Variants in SCML4 observed in about 807,000 individuals in gnomAD.
SCML4 encodes the protein sex comb on midleg-like protein 4.
Under a neutral mutation model 41.1 loss-of-function variants are expected in SCML4, and 34 were observed. That is an observed-to-expected ratio of 0.83 (90% CI 0.63 to 1.10). The LOEUF (loss-of-function observed/expected upper bound fraction) is 1.10, where lower values mean the gene tolerates loss of function less well. Among genes scored for constraint, SCML4 ranks in the 50% least tolerant of loss-of-function variants. SCML4 has a pLI of 0.00. For missense variants in SCML4, 522 were observed against 534.1 expected (o/e 0.98, Z 0.22); for synonymous variants, 214 against 220.9 (o/e 0.97, Z 0.28).
upstream of SCML4, among the ~76,000 whole-genome samples, chr6:107,826,945 C>A (rs1331632395): frequency 1.3e-5 from 2 of 152,010 alleles, no homozygotes; most frequent in Non-Finnish European, 2.9e-5. Flanking sequence ...CGCCTGTAGT[C>A]CCAGCTACTT....
At chr6:107,804,248 C>CGTGTGTGTGTGTGTGT (rs1554223036) in intron 1 of SCML4, among the ~76,000 whole-genome samples, 203 of 150,754 alleles carry the variant, frequency 1.3e-3, no homozygotes, top group African/African-American at 4.4e-3. Context: ...AAACATGAAA[C>CGTGTGTGTGTGTGTGT]GTGTGTGTGT....
chr6:107,801,781 TC>T (rs1360923684), intron 1 of SCML4, among the ~76,000 whole-genome samples: 2 of 150,852 alleles, frequency 1.3e-5, no homozygotes, highest in East Asian at 1.9e-4. Flanking sequence ...ATTATTCATT[TC>T]TTTTTTTTTT....
intron 1 of SCML4, among the ~76,000 whole-genome samples, chr6:107,808,632 C>T (rs1002850351): frequency 3.3e-5 from 5 of 152,100 alleles, no homozygotes; most frequent in African/African-American, 1.2e-4. Context: ...GAAAAGAGAA[C>T]TCCAGGACAT....
intron 1 of SCML4, among the ~76,000 whole-genome samples, chr6:107,799,047 T>C (rs983863066): frequency 2.6e-5 from 4 of 152,288 alleles, no homozygotes; most frequent in Middle Eastern, 3.4e-3. Context: ...ATTCTGTAGT[T>C]CTATAGTGTT....
chr6:107,754,450 G>A (rs1017151203), intron 2 of SCML4, among the ~76,000 whole-genome samples: 3 of 152,258 alleles, frequency 2.0e-5, no homozygotes, highest in Middle Eastern at 6.8e-3. Context: ...TGCACCAAGG[G>A]TCCCCTAACT....
intron 5 of SCML4, among the ~76,000 whole-genome samples, chr6:107,729,746 T>G (rs1776353254): frequency 6.6e-6 from 1 of 152,214 alleles, no homozygotes; most frequent in Admixed American, 6.5e-5. Flanking sequence ...GTTCTATAAG[T>G]GTTACTCAGA....
intron 1 of SCML4, among the ~76,000 whole-genome samples, chr6:107,805,448 T>C (rs1245055870): frequency 6.6e-6 from 1 of 152,244 alleles, no homozygotes; most frequent in Non-Finnish European, 1.5e-5. Flanking sequence ...AGGACTGAGA[T>C]TGTGGCCTTT....
At chr6:107,757,347 G>A (rs969883963) in intron 2 of SCML4, among the ~76,000 whole-genome samples, 1 of 152,184 alleles carries the variant, frequency 6.6e-6, no homozygotes, top group Non-Finnish European at 1.5e-5. Flanking sequence ...GATTTTTCTA[G>A]AAACATCTGG....
In SCML4 at chr6:107,723,032, T is replaced by C. The variant is rs1015380436; in HGVS notation, c.683-2039A>G. 4.6e-5 allele frequency among the ~76,000 whole-genome samples: 7 copies of C among 151,870 alleles called. No homozygotes were observed. In the East Asian group the frequency reaches 1.2e-3, roughly 25 times the overall value. ...ACAAAATTGCAAGCCTTTAGCTACA[T>C]TGACAAAAAAATAAACAAATAAAAC... On this transcript the variant is annotated intron_variant, in intron 5 of 7. Transcript: ENST00000369020.
intron 7 of SCML4, 112 bp from the exon 8 acceptor site, chr6:107,705,437 T>A (rs1025186944): frequency 1.1e-6 from 1 of 926,434 alleles, no homozygotes; most frequent in Non-Finnish European, 1.6e-6. Flanking sequence ...ATGGATTGAT[T>A]TAGGCAGCAT....
intron 4 of SCML4, 60 bp from the exon 5 acceptor site, chr6:107,745,203 C>A (rs1777966755): frequency 1.6e-6 from 2 of 1,277,212 alleles, no homozygotes; most frequent in South Asian, 1.5e-5. Context: ...GCAAGTCAAT[C>A]GGCCGTGGTG....
chr6:107,737,269 C>T (rs141571405), intron 5 of SCML4, among the ~76,000 whole-genome samples: 3 of 152,286 alleles, frequency 2.0e-5, no homozygotes, highest in East Asian at 3.9e-4. Flanking sequence ...ATACCTTCTT[C>T]GGATTGGGGA....
chr6:107,802,472 C>T (rs1783214295), intron 1 of SCML4, among the ~76,000 whole-genome samples: 1 of 151,350 alleles, frequency 6.6e-6, no homozygotes, highest in Non-Finnish European at 1.5e-5. Context: ...GTATTGGGTG[C>T]AGAGTGACAG....
At chr6:107,776,135 A>G (rs1292742032) in intron 1 of SCML4, among the ~76,000 whole-genome samples, 2 of 152,164 alleles carry the variant, frequency 1.3e-5, no homozygotes, top group Non-Finnish European at 2.9e-5. Context: ...GGGAAGCAGA[A>G]CCAGAAAGAT....
At chr6:107,802,380 G>T (rs781272149) in intron 1 of SCML4, among the ~76,000 whole-genome samples, 6 of 152,086 alleles carry the variant, frequency 3.9e-5, no homozygotes, top group African/African-American at 9.7e-5. Flanking sequence ...GGGCATATGG[G>T]AGTGAAAAAC....
chr6:107,838,620 T>C, the SCML4 span, among the ~76,000 whole-genome samples: 4 of 152,178 alleles, frequency 2.6e-5, no homozygotes, highest in East Asian at 1.9e-4. Context: ...TTCCACGATA[T>C]GCAATGGACC....
At chr6:107,775,130 A>G (rs1258338017) in intron 1 of SCML4, among the ~76,000 whole-genome samples, 1 of 152,234 alleles carries the variant, frequency 6.6e-6, no homozygotes, top group Non-Finnish European at 1.5e-5. Flanking sequence ...CTTCAGCACC[A>G]TCAGCCAGAA....
At chr6:107,724,723 C>G (rs1775780745) in intron 5 of SCML4, among the ~76,000 whole-genome samples, 2 of 152,160 alleles carry the variant, frequency 1.3e-5, no homozygotes, top group Admixed American at 1.3e-4. Context: ...ACAGATTCAG[C>G]ACAATCCCTG....
chr6:107,794,073 G>A (rs770412821), intron 1 of SCML4, among the ~76,000 whole-genome samples: 2 of 152,338 alleles, frequency 1.3e-5, no homozygotes, highest in Non-Finnish European at 2.9e-5. Context: ...AGTCTCTTGT[G>A]ATATTTCATA....
Sources: allele counts gnomAD v4.1 joint callset (sites outside exome capture counted in the v4.1 genomes callset), GRCh38; gene constraint gnomAD v4.1.1; transcripts MANE v1.5; gene names NCBI Gene and HGNC (gene_info 2026-07-23, HGNC 2026-07-21).